The following TMEM177 variants were observed in gnomAD, a reference collection of about 807,000 sequenced individuals.
The protein encoded by TMEM177 is transmembrane protein 177.
A neutral mutation model predicts 14.2 loss-of-function variants in TMEM177; 4 were observed. That is an observed-to-expected ratio of 0.28 (90% CI 0.14 to 0.64). The LOEUF is 0.64. Among genes scored for constraint, TMEM177 ranks in the 30% least tolerant of loss-of-function variants. The pLI is 0.82. For missense variants in TMEM177, 344 were observed against 405.2 expected, an observed-to-expected ratio of 0.85 and a Z score of 1.30; for synonymous variants, 179 against 174.5, an observed-to-expected ratio of 1.03 and a Z score of -0.20.
At chr2:119,693,859 C>A in the TMEM177 span, among the ~76,000 whole-genome samples, 1 of 1,146 alleles carries the variant, frequency 8.7e-4, no homozygotes, top group East Asian at 0.019. Flanking sequence ...CCACACACAT[C>A]ACATGCCACA....
At chr2:119,723,589 C>T in the TMEM177 span, among the ~76,000 whole-genome samples, 2 of 152,220 alleles carry the variant, frequency 1.3e-5, no homozygotes, top group Admixed American at 6.5e-5. Context: ...TTTTGCTTAA[C>T]TGTCATTAAA....
chr2:119,687,816 T>C (rs1336114907), downstream of TMEM177, among the ~76,000 whole-genome samples: 1 of 152,224 alleles, frequency 6.6e-6, no homozygotes, highest in Non-Finnish European at 1.5e-5. Flanking sequence ...ATCCATGTTG[T>C]AGTAAGCCAT....
chr2:119,721,372 G>A, the TMEM177 span, among the ~76,000 whole-genome samples: 1 of 152,218 alleles, frequency 6.6e-6, no homozygotes, highest in South Asian at 2.1e-4. Context: ...CCAATTCCAT[G>A]GGGAGAGAGC....
Position 119,681,869 on chromosome 2 carries a change from G to T in TMEM177, c.*80G>T. 4 of 1,406,916 alleles carry T rather than the reference G, an allele frequency of 2.8e-6. No homozygotes were observed. The highest frequency in any genetic ancestry group is 1.3e-5 in the South Asian group (1 of 75,506). The allele number at this position is 1,406,916 out of a possible 1,614,324, so 87.2% of individuals were successfully genotyped here. A position where few individuals can be genotyped will look rare whatever the true frequency, so the allele number is the denominator to read the frequency against. ...TCTGGAGGGCCCTGTTGGAGCCTTT[G>T]GACCTATAGCTCACGGCCAGAAAAA... On this transcript the variant is annotated 3_prime_UTR_variant, in exon 2 of 2. Coordinates refer to ENST00000272521, the MANE Select transcript of TMEM177 (RefSeq NM_030577.3).
At chr2:119,717,991 G>C in the TMEM177 span, among the ~76,000 whole-genome samples, 2 of 151,968 alleles carry the variant, frequency 1.3e-5, no homozygotes, top group African/African-American at 2.4e-5. Context: ...CCTGCTTCCC[G>C]GTCCCTTCTC....
chr2:119,682,846 G>A (rs146575697), downstream of TMEM177, among the ~76,000 whole-genome samples: 1,032 of 152,282 alleles, frequency 6.8e-3, 7 homozygotes, highest in African/African-American at 0.023. Context: ...GCAGAGGGGT[G>A]GAGGTGGGCA....
At position 119,681,142 on chromosome 2, in the gene TMEM177, A is replaced by G. The variant is rs369759552; in HGVS notation, c.289A>G (p.Arg97Gly). The change falls in exon 2 of 2, where the codon AGA becomes GGA. Residue 97 changes from arginine (R) to glycine (G), a missense_variant. By Grantham distance (125) the Arg-to-Gly change is moderately radical. Transcript: ENST00000272521. ...TFQPVSAGFP[R>G]LPAGAVVGIP... ...CCAACCTGTGAGTGCAGGCTTCCCA[A>G]GACTCCCTGCTGGGGCTGTGGTGGG... 1.5e-5 allele frequency: 25 copies of G among 1,614,220 alleles called. No homozygotes were observed. Among genetic ancestry groups the G allele is most frequent in the Non-Finnish European group, 2.0e-5 (24 of 1,180,032 alleles).
the TMEM177 span, among the ~76,000 whole-genome samples, chr2:119,721,280 C>T: frequency 1.3e-5 from 2 of 152,318 alleles, no homozygotes; most frequent in South Asian, 4.1e-4. Flanking sequence ...TGGAATGGCA[C>T]TCTGATAAAA....
chr2:119,690,256 C>T (rs1021208698), downstream of TMEM177, among the ~76,000 whole-genome samples: 2 of 152,142 alleles, frequency 1.3e-5, no homozygotes, highest in African/African-American at 4.8e-5. Context: ...CCCCTTCGCT[C>T]TCTCCTTCCT....
At chr2:119,708,010 C>T in the TMEM177 span, among the ~76,000 whole-genome samples, 1 of 152,228 alleles carries the variant, frequency 6.6e-6, no homozygotes, top group Non-Finnish European at 1.5e-5. Flanking sequence ...TGTTTTGCCC[C>T]TGTGCTACAG....
downstream of TMEM177, among the ~76,000 whole-genome samples, chr2:119,687,094 A>G (rs1375721181): frequency 6.6e-6 from 1 of 152,206 alleles, no homozygotes; most frequent in Non-Finnish European, 1.5e-5. Context: ...CACCTCAGTG[A>G]TTAGATTACA....
chr2:119,693,475 C>G, the TMEM177 span, among the ~76,000 whole-genome samples: 2 of 152,102 alleles, frequency 1.3e-5, no homozygotes, highest in Non-Finnish European at 2.9e-5. Context: ...GGAGAAGGAG[C>G]GTCTGCACCA....
At chr2:119,680,633 A>C (rs1688869706) in intron 1 of TMEM177, among the ~76,000 whole-genome samples, 199 bp from the exon 2 acceptor site, 1 of 152,166 alleles carries the variant, frequency 6.6e-6, no homozygotes, top group East Asian at 1.9e-4. Context: ...CCATTACGAC[A>C]CACCTGTTTG....
At chr2:119,692,969 CAAAAAAAAAAAA>C in the TMEM177 span, among the ~76,000 whole-genome samples, 23 of 52,202 alleles carry the variant, frequency 4.4e-4, no homozygotes, top group South Asian at 0.011. Flanking sequence ...GAGATTGTCT[CAAAAAAAAAAAA>C]AAAAAAAAAA....
chr2:119,702,250 G>T, the TMEM177 span, among the ~76,000 whole-genome samples: 3 of 152,234 alleles, frequency 2.0e-5, no homozygotes, highest in Non-Finnish European at 4.4e-5. Flanking sequence ...GATGGAGTCG[G>T]TTAGGTCTGA....
chr2:119,715,540 G>A, the TMEM177 span, among the ~76,000 whole-genome samples: 18 of 152,078 alleles, frequency 1.2e-4, no homozygotes, highest in African/African-American at 3.9e-4. Flanking sequence ...CAAGATCCCC[G>A]CCTCTGGAAG....
Position 119,680,993 on chromosome 2 carries a change from A to G in TMEM177, c.140A>G (p.Gln47Arg), listed in dbSNP as rs748546108. Residue 47 changes from glutamine (Q) to arginine (R), a missense_variant, in exon 2 of 2, where the codon CAG becomes CGG. Physicochemically the swap from Gln to Arg is conservative, Grantham distance 43. Transcript: ENST00000272521. ...GATCCCGTGGTCCAATGGCTCTACC[A>G]GTACTGGCCTCAGGGCCAGCCAGCT... ...FPDPVVQWLY[Q>R]YWPQGQPAPL... The G allele has an allele frequency of 1.2e-6, 2 of 1,614,206 alleles. No individual in the cohort carries two copies. Among genetic ancestry groups the G allele is most frequent in the East Asian group, 2.2e-5 (1 of 44,880 alleles).
the TMEM177 span, among the ~76,000 whole-genome samples, chr2:119,707,173 G>C: frequency 6.6e-6 from 1 of 152,256 alleles, no homozygotes; most frequent in East Asian, 1.9e-4. Context: ...ACAGGCATGA[G>C]CCACTGCGCC....
chr2:119,695,231 C>T, the TMEM177 span, among the ~76,000 whole-genome samples: 55 of 152,190 alleles, frequency 3.6e-4, no homozygotes, highest in African/African-American at 1.2e-3. Flanking sequence ...ACTGGGAAAA[C>T]GCCATGTCTT....
Sources: allele counts gnomAD v4.1 joint callset (sites outside exome capture counted in the v4.1 genomes callset), GRCh38; gene constraint gnomAD v4.1.1; transcripts MANE v1.5; gene names NCBI Gene and HGNC (gene_info 2026-07-23, HGNC 2026-07-21).